Variants in ADCK5 observed in about 807,000 individuals in gnomAD.
ADCK5 encodes the protein aarF domain containing kinase 5.
ADCK5 carries 43 observed loss-of-function variants against 64.9 expected under a neutral mutation model. That is an observed-to-expected ratio of 0.66 (90% CI 0.52 to 0.85). The LOEUF (loss-of-function observed/expected upper bound fraction) is 0.85. Among genes scored for constraint, ADCK5 ranks in the 40% least tolerant of loss-of-function variants. The pLI, the probability that ADCK5 is intolerant of heterozygous loss-of-function variation, is 0.00. For synonymous variants in ADCK5, 434 were observed against 342.8 expected (o/e 1.27, Z -2.94); for missense variants, 760 against 810.5 (o/e 0.94, Z 0.76).
rs1332334544 is a variant in ADCK5, at chr8:144,384,736, T to A, written c.266+1506T>A. Among the ~76,000 whole-genome samples, 1 of 152,224 alleles carries A rather than the reference T, an allele frequency of 6.6e-6. No homozygotes were observed. Among genetic ancestry groups the A allele is most frequent in the Non-Finnish European group, 1.5e-5 (1 of 68,044 alleles). ...CTCTATTTCATGGCATGCAGCTGTG[T>A]CTGGTGTCCACCTCCTCGGCCACCG... is the stretch of plus-strand genomic sequence containing the variant. On this transcript the variant is annotated intron_variant, in intron 3 of 14. Transcript: ENST00000308860. This position sits in a 1 kb window ranked among gnomAD's most constrained non-coding sequence, Gnocchi z 5.7.
chr8:144,390,267 C>T (rs550699618), intron 3 of ADCK5, among the ~76,000 whole-genome samples: 33 of 152,230 alleles, frequency 2.2e-4, no homozygotes, highest in Non-Finnish European at 3.4e-4. Context: ...GCTGGGACCA[C>T]AGGTGTGCAC....
chr8:144,393,228 C>T lies in ADCK5; in HGVS notation c.*154C>T, dbSNP rs1308094711. ...GAGGCCGTGTAATGACCACACACTC[C>T]TCTCAAGCAAAAAATGTTTTTCCTT... On this transcript the variant is annotated 3_prime_UTR_variant, in exon 15 of 15. Coordinates refer to ENST00000308860, the MANE Select transcript of ADCK5 (RefSeq NM_174922.5). The T allele has an allele frequency of 7.2e-6, 10 of 1,396,338 alleles. No homozygotes were observed. Among genetic ancestry groups the T allele is most frequent in the East Asian group, 2.5e-5 (1 of 39,782 alleles). 86.5% of individuals were successfully genotyped at this position (1,396,338 alleles called of 1,614,324 possible).
intron 2 of ADCK5, among the ~76,000 whole-genome samples, chr8:144,381,566 C>T (rs879960165): frequency 0.019 from 906 of 46,838 alleles, 26 homozygotes; most frequent in African/African-American, 0.082. Flanking sequence ...AGGCACCTGC[C>T]GCACTCAGGA....
upstream of ADCK5, chr8:144,373,762 G>A (rs901706769): frequency 6.3e-6 from 2 of 318,974 alleles, no homozygotes; most frequent in African/African-American, 4.3e-5. Flanking sequence ...GAAGCCCTCA[G>A]CCCTCCCCGG....
Position 144,392,076 on chromosome 8 carries a change from G to C in ADCK5, c.1097-16G>C. On this transcript the variant is annotated splice_polypyrimidine_tract_variant and intron_variant, in intron 10 of 14. Transcript: ENST00000308860. ...TCAGGGTGGGCGCAGCGCGACCTAA[G>C]AGGCTGTATCCCTAGTTCTGGTGCG... The C allele has an allele frequency of 6.2e-7, 1 of 1,612,298 alleles. No homozygotes were observed. Among genetic ancestry groups the C allele is most frequent in the Non-Finnish European group, 8.5e-7 (1 of 1,179,864 alleles).
chr8:144,392,421 C>T, intron 12 of ADCK5, 24 bp from the exon 13 acceptor site: 8 of 1,432,172 alleles, frequency 5.6e-6, no homozygotes, highest in African/African-American at 1.5e-5. Flanking sequence ...AGCCCCCTCC[C>T]TCCCTCCCTC....
chr8:144,390,733 G>T lies in ADCK5; in HGVS notation c.329G>T (p.Arg110Leu), dbSNP rs1395222560. The T allele has an allele frequency of 6.2e-7, 1 of 1,613,738 alleles. No individual in the cohort carries two copies. Among genetic ancestry groups the T allele is most frequent in the Non-Finnish European group, 8.5e-7 (1 of 1,179,972 alleles). The change falls in exon 4 of 15, where the codon CGA becomes CTA. Residue 110 changes from arginine to leucine, a missense_variant. Arg to Leu is a moderately radical substitution (Grantham distance 102). Transcript: ENST00000308860. The stretch of plus-strand genomic sequence containing the variant: ...TGGTGGTGCACCAATGTTGTCCTTC[G>T]AGGGGTGGAAGAGGTTTGTCCTGGT... ...DYWWCTNVVL[R>L]GVEENSPGYL...
Position 144,392,497 on chromosome 8 carries a change from G to A in ADCK5, c.1320G>A (p.Gln440=). The part of the protein sequence containing the change: ...MLMQRPVRLG[Q]LWGSHLLSRE... ...TGCAGCGCCCCGTGCGCCTGGGGCA[G>A]CTGTGGGGCTCGCACCTACTGAGCC... The change falls in exon 13 of 15, where the codon CAG becomes CAA. Residue 440 remains glutamine (Q), a synonymous_variant. Coordinates refer to ENST00000308860, the MANE Select transcript of ADCK5 (RefSeq NM_174922.5). 1 of 1,535,906 alleles carries A rather than the reference G, an allele frequency of 6.5e-7. No homozygotes were observed. Among genetic ancestry groups the A allele is most frequent in the Non-Finnish European group, 8.7e-7 (1 of 1,145,968 alleles).
intron 1 of ADCK5, chr8:144,375,609 C>T (rs1554857005): frequency 2.0e-6 from 2 of 985,312 alleles, no homozygotes; most frequent in Non-Finnish European, 2.4e-6. Context: ...CAAAGCACGC[C>T]CTTTGGTTGT....
chr8:144,374,877 GC>G (rs1444947440), intron 1 of ADCK5, among the ~76,000 whole-genome samples: 2 of 152,238 alleles, frequency 1.3e-5, no homozygotes, highest in Admixed American at 1.3e-4. Context: ...CTCTGTCCCT[GC>G]GGTTAGGACT....
At chr8:144,373,918 A>AC (rs1339371790), upstream of ADCK5, 4 of 678,028 alleles carry the variant, frequency 5.9e-6, no homozygotes, top group Admixed American at 1.3e-4. Context: ...CCGCCAGGGG[A>AC]CGCTGCCCCG....
intron 1 of ADCK5, chr8:144,375,586 G>A: frequency 1.0e-6 from 1 of 985,498 alleles, no homozygotes; most frequent in Non-Finnish European, 1.2e-6. Context: ...GGACATGCAT[G>A]TGGTTCTGCG....
intron 1 of ADCK5, among the ~76,000 whole-genome samples, chr8:144,378,012 G>C (rs1276903509): frequency 6.6e-6 from 1 of 152,230 alleles, no homozygotes; most frequent in East Asian, 1.9e-4. Context: ...AGATGAGCCA[G>C]ATGGTGATGC....
At position 144,391,991 on chromosome 8, in the gene ADCK5, C is replaced by T. The variant is rs1418335066; in HGVS notation, c.1065C>T (p.Gly355=). 37 of 1,612,626 alleles carry T rather than the reference C, an allele frequency of 2.3e-5. No homozygotes were observed. Among genetic ancestry groups the T allele is most frequent in the Non-Finnish European group, 3.0e-5 (35 of 1,179,980 alleles). The change falls in exon 10 of 15, where the codon GGC becomes GGT. Residue 355 remains glycine, a synonymous_variant. Coordinates refer to ENST00000308860, the MANE Select transcript of ADCK5 (RefSeq NM_174922.5). ...KAFAEQIFYT[G]FIHSDPHPGN... ...TTGCTGAGCAGATATTTTACACCGGCTTCATCCACTCGGACCCACATCCTG... is the reference window on the plus strand; with the variant it reads ...TTGCTGAGCAGATATTTTACACCGGTTTCATCCACTCGGACCCACATCCTG...
intron 3 of ADCK5, among the ~76,000 whole-genome samples, chr8:144,390,158 G>A (rs1438532577): frequency 6.6e-5 from 10 of 151,302 alleles, no homozygotes; most frequent in Non-Finnish European, 1.5e-4. Context: ...ACGGAGTCTC[G>A]CTCTGTTGCC....
rs1359998088 is a variant in ADCK5 at position 144,391,834 on chromosome 8, GC to G, written c.984del (p.Ile329SerfsTer11). Reference protein sequence around the residue: ...CAGCKVNDVEAIRSQGLAVHD... With the variant: ...CAGCKVNDVEXIRSQGLAVHD... Reference sequence around the variant, plus strand: ...CGGCTGCAAGGTCAACGATGTGGAGGCCATCAGGAGCCAGGGGCTGGCAGTG... The same window carrying G: ...CGGCTGCAAGGTCAACGATGTGGAGGCATCAGGAGCCAGGGGCTGGCAGTG... On this transcript the variant is annotated frameshift_variant, in exon 9 of 15. Transcript: ENST00000308860. LOFTEE classifies it high-confidence loss of function. 4 of 1,338,350 alleles carry G rather than the reference GC, an allele frequency of 3.0e-6. No homozygotes were observed. The highest frequency in any genetic ancestry group is 3.9e-6 in the Non-Finnish European group (4 of 1,019,936). The allele number at this position is 1,338,350 out of a possible 1,614,324, so 82.9% of individuals were successfully genotyped here.
chr8:144,378,881 A>G (rs1299682393), intron 1 of ADCK5, among the ~76,000 whole-genome samples: 1 of 152,016 alleles, frequency 6.6e-6, no homozygotes, highest in African/African-American at 2.4e-5. Flanking sequence ...TCCATCTCAG[A>G]AAAACAAACA....
In ADCK5 at chr8:144,379,450, G is replaced by C. The variant is rs782456416; in HGVS notation, c.76G>C (p.Ala26Pro). The C allele has an allele frequency of 2.5e-6, 4 of 1,610,140 alleles. No homozygotes were observed. ...CAGGCAGAAGCCCTGGCCGTCCCCT[G>C]CTGTGTTCTTCAGGAGAAACGTCAG... ...HSRQKPWPSPAVFFRRNVRGL... is the reference protein window; with the variant it reads ...HSRQKPWPSPPVFFRRNVRGL... The change falls in exon 2 of 15, where the codon GCT becomes CCT. Residue 26 changes from alanine to proline, a missense_variant. This residue lies in a region of ADCK5 where 427 missense variants were observed against 518.4 expected (regional missense o/e 0.82). Coordinates refer to ENST00000308860, the MANE Select transcript of ADCK5 (RefSeq NM_174922.5).
Position 144,392,426 on chromosome 8 carries a change from T to TCCCC in ADCK5, c.1268-16_1268-15insCCCC, listed in dbSNP as rs1485028482. 11 of 460,946 alleles carry TCCCC rather than the reference T, an allele frequency of 2.4e-5. No homozygotes were observed. Among genetic ancestry groups the TCCCC allele is most frequent in the African/African-American group, 1.1e-4 (5 of 45,866 alleles). The allele number at this position is 460,946 out of a possible 1,614,324, so 28.6% of individuals were successfully genotyped here. On this transcript the variant is annotated intron_variant, in intron 12 of 14. Transcript: ENST00000308860. ...ACCCACTCAGAGCCCCCTCCCTCCC[T>TCCCC]CCCTCCCTCCCTCCCCAGACTACCT...
Sources: allele counts gnomAD v4.1 joint callset (sites outside exome capture counted in the v4.1 genomes callset), GRCh38; gene constraint gnomAD v4.1.1; regional missense constraint gnomAD v4.1.1; non-coding constraint Gnocchi (gnomAD v3.1); transcripts MANE v1.5; gene names NCBI Gene and HGNC (gene_info 2026-07-23, HGNC 2026-07-21).